The following SLC2A12 variants were observed in gnomAD, a reference collection of about 807,000 sequenced individuals.
SLC2A12 encodes the protein solute carrier family 2 member 12.
Under a neutral mutation model 41.8 loss-of-function variants are expected in SLC2A12, and 23 were observed. The observed-to-expected ratio is 0.55, with a 90% CI of 0.40 to 0.78. The LOEUF (loss-of-function observed/expected upper bound fraction) is 0.78, where lower values mean the gene tolerates loss of function less well. SLC2A12 is among the 30% of genes least tolerant of loss of function. The probability of loss-of-function intolerance (pLI) is 0.00; values close to 1 mark genes in which losing one functional copy is unlikely to be tolerated. For synonymous variants in SLC2A12, 295 were observed against 285.9 expected, an observed-to-expected ratio of 1.03 and a Z score of -0.32; for missense variants, 654 against 745.6, an observed-to-expected ratio of 0.88 and a Z score of 1.43.
intron 1 of SLC2A12, among the ~76,000 whole-genome samples, chr6:134,044,713 TA>T (rs35658583): frequency 0.11 from 10,788 of 100,372 alleles, 894 homozygotes; most frequent in African/African-American, 0.28. Flanking sequence ...AAACTCCGTC[TA>T]AAAAAAAAAA....
intron 1 of SLC2A12, among the ~76,000 whole-genome samples, chr6:134,050,825 G>A (rs1488644395): frequency 1.3e-5 from 2 of 152,160 alleles, no homozygotes; most frequent in Non-Finnish European, 2.9e-5. Flanking sequence ...CTGCTCTTAG[G>A]GAACTTGTGG....
intron 4 of SLC2A12, among the ~76,000 whole-genome samples, chr6:133,995,954 T>C (rs901175170): frequency 6.6e-6 from 1 of 152,244 alleles, no homozygotes; most frequent in Non-Finnish European, 1.5e-5. Flanking sequence ...TCTTCCAAGG[T>C]TGGCTCTTTA....
In SLC2A12 at chr6:134,028,765, T is replaced by C; in HGVS notation, c.1060A>G (p.Met354Val). The C allele has an allele frequency of 6.2e-7, 1 of 1,614,188 alleles. No homozygotes were observed. The highest frequency in any genetic ancestry group is 8.5e-7 in the Non-Finnish European group (1 of 1,180,020). Residue 354 changes from methionine to valine, a missense_variant, in exon 2 of 5, where the codon ATG (methionine) becomes GTG (valine). By Grantham distance (21) the Met-to-Val change is conservative. Around this residue, in one of 3 missense-constraint regions of SLC2A12, gnomAD observed 411 missense variants for 412.1 expected, o/e 1.00. Transcript: ENST00000275230. Reference sequence around the variant, plus strand: ...CCCATGGTCACCAACGAAGCTGCCATCACAGAGGAGCCAATGCAGAGGAAT... The same window carrying C: ...CCCATGGTCACCAACGAAGCTGCCACCACAGAGGAGCCAATGCAGAGGAAT... ...KTFLCIGSSV[M>V]AASLVTMGIV...
chr6:134,024,917 C>G (rs558320015), intron 2 of SLC2A12, among the ~76,000 whole-genome samples: 1 of 152,318 alleles, frequency 6.6e-6, no homozygotes, highest in Non-Finnish European at 1.5e-5. Context: ...ATCTGCTGAG[C>G]TTGAATTCTA....
intron 4 of SLC2A12, among the ~76,000 whole-genome samples, chr6:133,997,621 G>A (rs1032357232): frequency 4.6e-5 from 7 of 152,070 alleles, no homozygotes. Flanking sequence ...GACATAAAGA[G>A]GCAAAAATAG....
intron 3 of SLC2A12, 49 bp from the exon 4 acceptor site, chr6:134,002,178 G>T: frequency 1.3e-6 from 2 of 1,571,538 alleles, no homozygotes; most frequent in South Asian, 2.4e-5. Context: ...GTGTAGCTTT[G>T]ATCCCATTTG....
At chr6:134,036,601 C>A (rs1777303218) in intron 1 of SLC2A12, among the ~76,000 whole-genome samples, 1 of 152,150 alleles carries the variant, frequency 6.6e-6, no homozygotes, top group Admixed American at 6.5e-5. Context: ...AGCCTTCTGG[C>A]ACAAAGTAAA....
chr6:134,029,374 T>C lies in SLC2A12; in HGVS notation c.451A>G (p.Thr151Ala). ...GCAATCTCTGCGATGTAAACACAAG[T>C]GGCAATGGAAGAGAGGGAGATGGAG... ...GVSISLSSIA[T>A]CVYIAEIAPQ... Residue 151 changes from threonine to alanine, a missense_variant, in exon 2 of 5, where the codon ACT becomes GCT. Thr to Ala is a moderately conservative substitution (Grantham distance 58, BLOSUM62 0). Around this residue, in one of 3 missense-constraint regions of SLC2A12, gnomAD observed 411 missense variants for 412.1 expected, o/e 1.00. Transcript: ENST00000275230. 1 of 1,614,058 alleles carries C rather than the reference T, an allele frequency of 6.2e-7. No individual in the cohort carries two copies. The highest frequency in any genetic ancestry group is 8.5e-7 in the Non-Finnish European group (1 of 1,180,018).
rs368394922 is a variant in SLC2A12, at chr6:134,005,909, G to A, written c.1567+903C>T. ...AGGAGGGCTAGGCGTGGTGGCTCGT[G>A]CCTGTAATCCCAGCACTTTGGGAAG... On this transcript the variant is annotated intron_variant, in intron 3 of 4. Transcript: ENST00000275230. Among the ~76,000 whole-genome samples, 15 of 152,012 alleles carry A rather than the reference G, an allele frequency of 9.9e-5. No individual in the cohort carries two copies. In the East Asian group the frequency reaches 2.9e-3, roughly 29 times the overall value.
chr6:134,028,253 C>T, intron 2 of SLC2A12, 128 bp downstream of exon 2: 1 of 1,238,236 alleles, frequency 8.1e-7, no homozygotes, highest in Non-Finnish European at 1.1e-6. Context: ...ATACTTTCTG[C>T]ATTAGAAGGA....
intron 4 of SLC2A12, among the ~76,000 whole-genome samples, chr6:133,992,459 G>A (rs1252336399): frequency 2.6e-5 from 4 of 152,152 alleles, no homozygotes; most frequent in African/African-American, 9.7e-5. Flanking sequence ...AACTCACCAG[G>A]GAAATGTGGT....
At position 133,988,742 on chromosome 6, in the gene SLC2A12, A is replaced by G. The variant is rs1776575053; in HGVS notation, c.*2413T>C. 1 of 152,012 alleles carries G rather than the reference A, an allele frequency of 6.6e-6. No individual in the cohort carries two copies. The highest frequency in any genetic ancestry group is 1.5e-5 in the Non-Finnish European group (1 of 68,004). The allele number at this position is 152,012 out of a possible 1,614,324, so 9.4% of individuals were successfully genotyped here. ...TATTTTTCCTTTTTTTTAAAAAAAA[A>G]GTGTTTATTTCCTTTATTTTAAGAT... On this transcript the variant is annotated 3_prime_UTR_variant, in exon 5 of 5. Coordinates refer to ENST00000275230, the MANE Select transcript of SLC2A12 (RefSeq NM_145176.3).
chr6:134,021,880 G>A (rs1017368669), intron 2 of SLC2A12, among the ~76,000 whole-genome samples: 9 of 152,196 alleles, frequency 5.9e-5, no homozygotes, highest in South Asian at 2.1e-4. Flanking sequence ...GAGCAGAGGC[G>A]GAAGGAAGGG....
chr6:134,042,189 A>G (rs528195159), intron 1 of SLC2A12, among the ~76,000 whole-genome samples: 9 of 152,226 alleles, frequency 5.9e-5, no homozygotes, highest in Non-Finnish European at 1.0e-4. Context: ...TTGTTTTTAT[A>G]TTTTAAAAGG....
Position 133,990,342 on chromosome 6 carries a change from A to C in SLC2A12, c.*813T>G, listed in dbSNP as rs1180891019. ...TAATAACTTCAACCTAATTGCTTAG[A>C]GATTTGGATAAATAACCTAATGGCC... On this transcript the variant is annotated 3_prime_UTR_variant, in exon 5 of 5. Coordinates refer to ENST00000275230, the MANE Select transcript of SLC2A12 (RefSeq NM_145176.3). The C allele has an allele frequency of 2.0e-5, 3 of 152,636 alleles. No individual in the cohort carries two copies. The highest frequency in any genetic ancestry group is 4.8e-5 in the African/African-American group (2 of 41,450). 9.5% of individuals were successfully genotyped at this position (152,636 alleles called of 1,614,324 possible). A position where few individuals can be genotyped will look rare whatever the true frequency, so the allele number is the denominator to read the frequency against.
intron 3 of SLC2A12, 76 bp from the exon 4 acceptor site, chr6:134,002,205 G>A (rs1776761872): frequency 2.8e-6 from 4 of 1,435,136 alleles, no homozygotes; most frequent in Non-Finnish European, 3.8e-6. Flanking sequence ...GCCACTTAGG[G>A]CATACATAGC....
intron 2 of SLC2A12, among the ~76,000 whole-genome samples, chr6:134,025,915 G>T (rs1422762863): frequency 6.6e-6 from 1 of 152,120 alleles, no homozygotes; most frequent in African/African-American, 2.4e-5. Flanking sequence ...ATACAATAAG[G>T]TATCAAATGA....
At chr6:134,034,178 C>G (rs1777261555) in intron 1 of SLC2A12, among the ~76,000 whole-genome samples, 1 of 152,124 alleles carries the variant, frequency 6.6e-6, no homozygotes, top group African/African-American at 2.4e-5. Context: ...ATCTTCCTGT[C>G]TCTGGGCAAT....
At chr6:133,996,197 C>T (rs968768771) in intron 4 of SLC2A12, among the ~76,000 whole-genome samples, 1 of 152,192 alleles carries the variant, frequency 6.6e-6, no homozygotes, top group Non-Finnish European at 1.5e-5. Flanking sequence ...GAAGAAATGA[C>T]CACATCAAAT....
Sources: allele counts gnomAD v4.1 joint callset (sites outside exome capture counted in the v4.1 genomes callset), GRCh38; gene constraint gnomAD v4.1.1; regional missense constraint gnomAD v4.1.1; transcripts MANE v1.5; gene names NCBI Gene and HGNC (gene_info 2026-07-23, HGNC 2026-07-21).